Variants in NEURL4 observed in about 807,000 individuals in gnomAD.
NEURL4 encodes the protein neuralized E3 ubiquitin protein ligase 4.
A neutral mutation model predicts 148.0 loss-of-function variants in NEURL4; 45 were observed. The observed-to-expected ratio is 0.30, with a 90% CI of 0.24 to 0.39. The LOEUF is 0.39. NEURL4 is among the 10% of genes least tolerant of loss of function. The probability of loss-of-function intolerance (pLI) is 1.00; values close to 1 mark genes in which losing one functional copy is unlikely to be tolerated. For missense variants in NEURL4, 1,776 were observed against 2,144.0 expected (o/e 0.83, Z 3.39); for synonymous variants, 854 against 869.0 (o/e 0.98, Z 0.30).
chr17:7,325,371 C>T lies in NEURL4; in HGVS notation c.1469G>A (p.Arg490His), dbSNP rs754336796. The change falls in exon 8 of 29, where the codon CGT (arginine) becomes CAT (histidine). Residue 490 changes from arginine (R) to histidine (H), a missense_variant. By Grantham distance (29) the Arg-to-His change is conservative. Coordinates refer to ENST00000399464, the MANE Select transcript of NEURL4 (RefSeq NM_032442.3). The part of the protein sequence containing the change: ...TIVHNNNHSD[R>H]LRRNNAILRA... ...CAGGATGGCGTTGTTTCGGCGGAGA[C>T]GGTCACTGTGGTTGTTATTGTGGAC... The T allele has an allele frequency of 6.2e-6, 10 of 1,613,350 alleles. No homozygotes were observed. Among genetic ancestry groups the T allele is most frequent in the Non-Finnish European group, 8.5e-6 (10 of 1,179,990 alleles).
rs748763377 is a variant in NEURL4, at chr17:7,318,115, C to T, written c.4010G>A (p.Cys1337Tyr). Residue 1337 changes from cysteine (C) to tyrosine (Y), a missense_variant, in exon 25 of 29, where the codon TGC (cysteine) becomes TAC (tyrosine). Physicochemically the swap from Cys to Tyr is radical, Grantham distance 194. Transcript: ENST00000399464. This position sits in a 1 kb window ranked among gnomAD's most constrained non-coding sequence, Gnocchi z 4.3. ...PPPAASPLKS[C>Y]EYHALCSRFQ... ...GCGAGAGCAAAGGGCATGGTACTCGCAGCTCTTTAGAGGACTAGCGGCAGG... is the reference window on the plus strand; with the variant it reads ...GCGAGAGCAAAGGGCATGGTACTCGTAGCTCTTTAGAGGACTAGCGGCAGG... 1 of 1,614,204 alleles carries T rather than the reference C, an allele frequency of 6.2e-7. No individual in the cohort carries two copies. Among genetic ancestry groups the T allele is most frequent in the South Asian group, 1.1e-5 (1 of 91,090 alleles).
chr17:7,317,155 C>T, intron 28 of NEURL4, 50 bp downstream of exon 28: 6 of 1,380,588 alleles, frequency 4.3e-6, no homozygotes, highest in Non-Finnish European at 5.8e-6. Context: ...CGCTTGGGCC[C>T]TCTCCATCCG....
chr17:7,328,173 C>T (rs2073127517), intron 1 of NEURL4, among the ~76,000 whole-genome samples: 1 of 152,190 alleles, frequency 6.6e-6, no homozygotes, highest in Non-Finnish European at 1.5e-5. Context: ...TATGGCTCTC[C>T]AACCATCCAA....
In NEURL4 at chr17:7,315,630, G is replaced by A; in HGVS notation, c.*493C>T. On this transcript the variant is annotated 3_prime_UTR_variant, in exon 29 of 29. Transcript: ENST00000399464. Reference sequence around the variant, plus strand: ...CGCGCGAGAGAGAGGCCGAGGCGGAGGCTCTGAGACGGTGTTTATTGGCTC... The same window carrying A: ...CGCGCGAGAGAGAGGCCGAGGCGGAAGCTCTGAGACGGTGTTTATTGGCTC... The A allele has an allele frequency of 2.5e-6, 1 of 400,128 alleles. No homozygotes were observed. The highest frequency in any genetic ancestry group is 3.6e-5 in the East Asian group (1 of 28,076). 24.8% of individuals were successfully genotyped at this position (400,128 alleles called of 1,614,324 possible). A position where few individuals can be genotyped will look rare whatever the true frequency, so the allele number is the denominator to read the frequency against.
rs552832728 is a variant in NEURL4 at position 7,320,669 on chromosome 17, T to C, written c.3525+90A>G. On this transcript the variant is annotated intron_variant, in intron 21 of 28. Coordinates refer to ENST00000399464, the MANE Select transcript of NEURL4 (RefSeq NM_032442.3). ...GCTCATCCAAGTGGCTTGCTTTCTT[T>C]TTCTCCACACAAAAAGGCCTTTTTT... 932 of 1,264,248 alleles carry C rather than the reference T, an allele frequency of 7.4e-4. No homozygotes were observed. In the Middle Eastern group the frequency reaches 0.012, roughly 16 times the overall value. 78.3% of individuals were successfully genotyped at this position (1,264,248 alleles called of 1,614,324 possible).
Position 7,315,879 on chromosome 17 carries a change from G to T in NEURL4, c.*244C>A, listed in dbSNP as rs2072934843. On this transcript the variant is annotated 3_prime_UTR_variant, in exon 29 of 29. Transcript: ENST00000399464. ...TGTTCCCCAAATCAGTGCATGAAGA[G>T]GGGTACCAGGGCCTGGAGCTGGGCT... 4 of 589,646 alleles carry T rather than the reference G, an allele frequency of 6.8e-6. No individual in the cohort carries two copies. The highest frequency in any genetic ancestry group is 1.2e-5 in the Non-Finnish European group (4 of 330,830). 36.5% of individuals were successfully genotyped at this position (589,646 alleles called of 1,614,324 possible). A position where few individuals can be genotyped will look rare whatever the true frequency, so the allele number is the denominator to read the frequency against.
rs753945804 is a variant in NEURL4, at chr17:7,319,208, C to G, written c.3526G>C (p.Val1176Leu). The change falls in exon 22 of 29, where the codon GTG becomes CTG. Residue 1176 changes from valine (V) to leucine (L), a missense_variant and splice_region_variant. Transcript: ENST00000399464. ...TGTCGGTTTAGGAAATCTATCCGCACCTGGGGAAGAAAGAACTACTCCATA... is the reference window on the plus strand; with the variant it reads ...TGTCGGTTTAGGAAATCTATCCGCAGCTGGGGAAGAAAGAACTACTCCATA... The part of the protein sequence containing the change: ...QPLVPQLLVQ[V>L]RIDFLNRQWT... 1.9e-6 allele frequency: 3 copies of G among 1,609,688 alleles called. No homozygotes were observed. The South Asian group carries it at 3.3e-5, about 18-fold the overall frequency.
chr17:7,318,619 C>A lies in NEURL4; in HGVS notation c.3740G>T (p.Gly1247Val). The change falls in exon 23 of 29, where the codon GGA (glycine) becomes GTA (valine). Residue 1247 changes from glycine (G) to valine (V), a missense_variant. By Grantham distance (109) the Gly-to-Val change is moderately radical. Coordinates refer to ENST00000399464, the MANE Select transcript of NEURL4 (RefSeq NM_032442.3). The surrounding 1 kb of genome is among the most constrained non-coding windows in gnomAD (Gnocchi z 4.3). ...LDTCPEGTIL[G>V]LRLDSSGGLH... ...CCCCCCAGAGCTGTCCAGCCGCAGT[C>A]CCAGGATGGTGCCTTCAGGGCACGT... 2 of 1,613,994 alleles carry A rather than the reference C, an allele frequency of 1.2e-6. No individual in the cohort carries two copies. The highest frequency in any genetic ancestry group is 1.7e-6 in the Non-Finnish European group (2 of 1,179,924).
In NEURL4 at chr17:7,321,089, C is replaced by G. The variant is rs2073026402; in HGVS notation, c.3360+23G>C. On this transcript the variant is annotated intron_variant, in intron 20 of 28. Transcript: ENST00000399464. This position sits in a 1 kb window ranked among gnomAD's most constrained non-coding sequence, Gnocchi z 6.3. ...AGCAACTGCCCATCCATGTGCACAG[C>G]AGACCATGCTGCAGCCTCTTACTCC... The G allele has an allele frequency of 1.2e-6, 2 of 1,611,258 alleles. No individual in the cohort carries two copies. The highest frequency in any genetic ancestry group is 1.3e-5 in the African/African-American group (1 of 75,002).
rs913467017 is a variant in NEURL4 at position 7,329,106 on chromosome 17, C to T, written c.207G>A (p.Glu69=). Residue 69 remains glutamate (E), a synonymous_variant, in exon 1 of 29, where the codon GAG becomes GAA. Transcript: ENST00000399464. ...RTARRQQPGQ[E]FNHGLVLSRE... is the part of the protein sequence containing the mutation. ...GGCTCAACACCAGCCCGTGGTTAAA[C>T]TCCTGGCCCGGCTGCTGCCGCCGCG... 1 of 1,610,486 alleles carries T rather than the reference C, an allele frequency of 6.2e-7. No homozygotes were observed. The highest frequency in any genetic ancestry group is 2.2e-5 in the East Asian group (1 of 44,832).
chr17:7,316,358 G>A, intron 28 of NEURL4, 31 bp from the exon 29 acceptor site: 2 of 1,577,176 alleles, frequency 1.3e-6, no homozygotes, highest in Non-Finnish European at 1.7e-6. Context: ...AGGGAGTGAA[G>A]CCTCTCGCCC....
intron 28 of NEURL4, 103 bp downstream of exon 28, chr17:7,317,102 G>C: frequency 1.3e-6 from 1 of 759,872 alleles, no homozygotes; most frequent in Non-Finnish European, 2.0e-6. Context: ...AGCAAGACGA[G>C]ATGAGAAAAG....
intron 28 of NEURL4, 66 bp from the exon 29 acceptor site, chr17:7,316,393 G>T: frequency 3.0e-6 from 4 of 1,314,246 alleles, no homozygotes; most frequent in Non-Finnish European, 4.3e-6. Flanking sequence ...TGCAAAGTCT[G>T]TTCCAACCAC....
chr17:7,322,958 A>G lies in NEURL4; in HGVS notation c.2583T>C (p.Pro861=), dbSNP rs756015029. Residue 861 remains proline (P), a synonymous_variant, in exon 15 of 29, where the codon CCT becomes CCC. Transcript: ENST00000399464. This position sits in a 1 kb window ranked among gnomAD's most constrained non-coding sequence, Gnocchi z 5.5. ...AAGCCACATAGTCACCTTTACCCGG[A>G]GGCAGGCCCGAGCAGGCAGCGCCTT... The part of the protein sequence containing the change: ...QDQGAACSGL[P]PGKEVYAVVD... 1.9e-6 allele frequency: 3 copies of G among 1,613,422 alleles called. No homozygotes were observed. The African/African-American group carries it at 4.0e-5, about 22-fold the overall frequency.
In NEURL4 at chr17:7,321,409, G is replaced by T. The variant is rs3809812; in HGVS notation, c.3150C>A (p.Ile1050=). 2,379 of 1,614,118 alleles carry T rather than the reference G, an allele frequency of 1.5e-3. 20 individuals are homozygous for T. The East Asian group carries it at 0.031, about 21-fold the overall frequency. ...VRRGADDTMH[I]LVDGEDMGPA... ...GCCCCATATCCTCTCCATCCACCAGGATGTGCATCGTGTCATCTGCCCCCC... is the reference window on the plus strand; with the variant it reads ...GCCCCATATCCTCTCCATCCACCAGTATGTGCATCGTGTCATCTGCCCCCC... Residue 1050 remains isoleucine, a synonymous_variant, in exon 19 of 29, where the codon ATC becomes ATA. Transcript: ENST00000399464. This position sits in a 1 kb window ranked among gnomAD's most constrained non-coding sequence, Gnocchi z 6.3.
At position 7,322,772 on chromosome 17, in the gene NEURL4, G is replaced by A; in HGVS notation, c.2688C>T (p.Asn896=). The A allele has an allele frequency of 1.2e-6, 2 of 1,612,374 alleles. No individual in the cohort carries two copies. The highest frequency in any genetic ancestry group is 1.1e-5 in the South Asian group (1 of 90,986). ...GPMDNSLATS[N]TATEKSFPLH... is the part of the protein sequence containing the mutation. ...GTGGGAAGGACTTCTCGGTGGCAGT[G>A]TTGCTGGTCGCCAGGCTGTTGTCCA... is the stretch of plus-strand genomic sequence containing the variant. The change falls in exon 16 of 29, where the codon AAC becomes AAT. Residue 896 remains asparagine, a synonymous_variant. Coordinates refer to ENST00000399464, the MANE Select transcript of NEURL4 (RefSeq NM_032442.3). The surrounding 1 kb of genome is among the most constrained non-coding windows in gnomAD (Gnocchi z 5.5).
rs2072944504 is a variant in NEURL4, at chr17:7,316,333, A to G, written c.4485-6T>C. On this transcript the variant is annotated splice_region_variant and splice_polypyrimidine_tract_variant and intron_variant, in intron 28 of 28. Coordinates refer to ENST00000399464, the MANE Select transcript of NEURL4 (RefSeq NM_032442.3). ...GGGATTTGGGGTCCCGGAATCTGTC[A>G]GACAAGAAAAAATAAGGGAGTGAAG... 3.7e-6 allele frequency: 6 copies of G among 1,610,774 alleles called. No homozygotes were observed. The highest frequency in any genetic ancestry group is 5.1e-6 in the Non-Finnish European group (6 of 1,178,830).
chr17:7,326,693 C>A lies in NEURL4; in HGVS notation c.1092+18G>T. The A allele has an allele frequency of 1.2e-6, 2 of 1,608,606 alleles. No homozygotes were observed. Among genetic ancestry groups the A allele is most frequent in the South Asian group, 1.1e-5 (1 of 90,698 alleles). On this transcript the variant is annotated intron_variant, in intron 4 of 28. Coordinates refer to ENST00000399464, the MANE Select transcript of NEURL4 (RefSeq NM_032442.3). This position sits in a 1 kb window ranked among gnomAD's most constrained non-coding sequence, Gnocchi z 6.0. Reference sequence around the variant, plus strand: ...TCCCAGGGATAAGGCGCCAACCAGACCACAGGACTTTGCACACCTCAAACA... The same window carrying A: ...TCCCAGGGATAAGGCGCCAACCAGAACACAGGACTTTGCACACCTCAAACA...
At position 7,326,967 on chromosome 17, in the gene NEURL4, A is replaced by G; in HGVS notation, c.836T>C (p.Ile279Thr). The change falls in exon 4 of 29, where the codon ATC becomes ACC. Residue 279 changes from isoleucine (I) to threonine (T), a missense_variant. Coordinates refer to ENST00000399464, the MANE Select transcript of NEURL4 (RefSeq NM_032442.3). The surrounding 1 kb of genome is among the most constrained non-coding windows in gnomAD (Gnocchi z 6.0). ...MELSEVVSNT[I>T]LSAYNGGLLN... ...GAGCCCTCCATTGTAGGCAGACAGG[A>G]TGGTGTTGCTCACCACCTCAGACAG... The G allele has an allele frequency of 6.2e-7, 1 of 1,613,118 alleles. No homozygotes were observed. Among genetic ancestry groups the G allele is most frequent in the Non-Finnish European group, 8.5e-7 (1 of 1,179,978 alleles).
Sources: gnomAD v4.1 joint callset for allele counts (sites outside exome capture counted in the v4.1 genomes callset) on GRCh38, gnomAD v4.1.1 for gene constraint, Gnocchi (gnomAD v3.1) non-coding constraint, MANE v1.5 for transcripts, NCBI Gene and HGNC (gene_info 2026-07-23, HGNC 2026-07-21) for gene names.